Variants in SMYD3 observed in about 807,000 individuals in gnomAD.
SMYD3 encodes the protein histone-lysine N-methyltransferase SMYD3.
SMYD3 carries 36 observed loss-of-function variants against 57.7 expected under a neutral mutation model. The observed-to-expected ratio is 0.62, with a 90% CI of 0.48 to 0.82. The LOEUF (loss-of-function observed/expected upper bound fraction) is 0.82. SMYD3 is among the 40% of genes least tolerant of loss of function. The pLI is 0.00. For missense variants in SMYD3, 515 were observed against 538.8 expected, an observed-to-expected ratio of 0.96 and a Z score of 0.44; for synonymous variants, 211 against 195.0, an observed-to-expected ratio of 1.08 and a Z score of -0.68.
intron 10 of SMYD3, among the ~76,000 whole-genome samples, chr1:245,849,130 T>C (rs2050822689): frequency 2.0e-5 from 3 of 152,142 alleles, no homozygotes; most frequent in Admixed American, 6.5e-5. Context: ...GACAAAAACT[T>C]TCACTAGGAA....
chr1:246,229,855 G>T (rs560158692), intron 5 of SMYD3, among the ~76,000 whole-genome samples: 1 of 151,080 alleles, frequency 6.6e-6, no homozygotes, highest in African/African-American at 2.4e-5. Context: ...ATCATAGCAC[G>T]TGCCTTTCAA....
chr1:246,354,349 T>A (rs573740976), intron 2 of SMYD3, among the ~76,000 whole-genome samples: 38 of 152,336 alleles, frequency 2.5e-4, no homozygotes, highest in African/African-American at 8.4e-4. Flanking sequence ...CTCAAACTCT[T>A]GGCAGGATAT....
intron 5 of SMYD3, among the ~76,000 whole-genome samples, chr1:246,263,953 T>A (rs763564999): frequency 3.9e-5 from 6 of 152,208 alleles, no homozygotes; most frequent in African/African-American, 1.4e-4. Context: ...TCCTTAGATA[T>A]AAGATGCCTA....
chr1:245,844,118 T>C (rs1022493031), intron 10 of SMYD3, among the ~76,000 whole-genome samples: 1 of 152,196 alleles, frequency 6.6e-6, no homozygotes, highest in Non-Finnish European at 1.5e-5. Context: ...AAAACTCTTC[T>C]TCCTTCCTAC....
intron 10 of SMYD3, among the ~76,000 whole-genome samples, chr1:245,787,106 T>TA (rs976385082): frequency 2.6e-5 from 4 of 152,230 alleles, no homozygotes; most frequent in African/African-American, 9.6e-5. Flanking sequence ...CCACTTTCAT[T>TA]ACTTTTCAAG....
chr1:246,380,088 C>T (rs1453048888), intron 1 of SMYD3, among the ~76,000 whole-genome samples: 4 of 151,692 alleles, frequency 2.6e-5, no homozygotes. Context: ...AAAACTTCTA[C>T]ACATTTTTCT....
intron 1 of SMYD3, among the ~76,000 whole-genome samples, chr1:246,504,469 C>G (rs539709641): frequency 1.5e-4 from 23 of 152,098 alleles, no homozygotes; most frequent in Non-Finnish European, 3.4e-4. Context: ...TCTAAATGTA[C>G]CTAAACACAG....
intron 9 of SMYD3, among the ~76,000 whole-genome samples, chr1:245,862,321 T>C (rs879317180): frequency 1.6e-3 from 241 of 152,288 alleles, no homozygotes; most frequent in Non-Finnish European, 3.0e-3. Flanking sequence ...GATTATATTA[T>C]ACTCTTAAAT....
At chr1:245,863,937 G>A (rs1427020323) in intron 8 of SMYD3, 51 bp from the exon 9 acceptor site, 3 of 1,540,034 alleles carry the variant, frequency 1.9e-6, no homozygotes, top group African/African-American at 1.4e-5. Flanking sequence ...AATAGGCAAA[G>A]GACGTGAATA....
chr1:245,878,073 A>G (rs2052583472), intron 8 of SMYD3, among the ~76,000 whole-genome samples: 1 of 152,174 alleles, frequency 6.6e-6, no homozygotes, highest in Non-Finnish European at 1.5e-5. Context: ...AATGGGGAAG[A>G]GACTCAAAGG....
intron 1 of SMYD3, among the ~76,000 whole-genome samples, chr1:246,416,097 T>C (rs1207410881): frequency 6.6e-6 from 1 of 152,210 alleles, no homozygotes; most frequent in Non-Finnish European, 1.5e-5. Flanking sequence ...CACAAATAAA[T>C]TTTTTGAGAA....
chr1:246,454,086 A>C (rs139588158), intron 1 of SMYD3, among the ~76,000 whole-genome samples: 1 of 152,342 alleles, frequency 6.6e-6, no homozygotes, highest in African/African-American at 2.4e-5. Flanking sequence ...CATTCAGAGA[A>C]GTGTCCCCTA....
chr1:246,044,126 T>G (rs1441699194), intron 5 of SMYD3, among the ~76,000 whole-genome samples: 1 of 152,204 alleles, frequency 6.6e-6, no homozygotes, highest in African/African-American at 2.4e-5. Flanking sequence ...ATTCCAGTTT[T>G]CTTCTAATTC....
At chr1:246,448,516 G>A (rs1010908639) in intron 1 of SMYD3, among the ~76,000 whole-genome samples, 1 of 151,766 alleles carries the variant, frequency 6.6e-6, no homozygotes, top group South Asian at 2.1e-4. Context: ...AGGTAACTAC[G>A]ACCCACGACC....
intron 5 of SMYD3, among the ~76,000 whole-genome samples, chr1:245,962,158 T>C (rs1187170882): frequency 1.3e-5 from 2 of 152,144 alleles, no homozygotes; most frequent in African/African-American, 4.8e-5. Context: ...GAAAGGTCGA[T>C]GTTAGGGGAG....
At chr1:246,345,659 A>C (rs2065702646) in intron 2 of SMYD3, among the ~76,000 whole-genome samples, 1 of 152,176 alleles carries the variant, frequency 6.6e-6, no homozygotes, top group African/African-American at 2.4e-5. Flanking sequence ...TTGACATTTT[A>C]AAAACCTTTC....
At chr1:245,882,878 G>A (rs1030976376) in intron 8 of SMYD3, among the ~76,000 whole-genome samples, 2 of 152,190 alleles carry the variant, frequency 1.3e-5, no homozygotes, top group Non-Finnish European at 2.9e-5. Context: ...TAATTGAGAT[G>A]AGCTTATGGT....
chr1:245,813,169 C>G (rs2048590925), intron 10 of SMYD3, among the ~76,000 whole-genome samples: 1 of 151,808 alleles, frequency 6.6e-6, no homozygotes, highest in South Asian at 2.1e-4. Flanking sequence ...CGCCCGCCAC[C>G]ACGCCCGGCT....
intron 11 of SMYD3, among the ~76,000 whole-genome samples, 161 bp from the exon 12 acceptor site, chr1:245,749,825 A>T (rs928658627): frequency 1.3e-5 from 2 of 152,180 alleles, no homozygotes; most frequent in African/African-American, 4.8e-5. Flanking sequence ...CCAGCTGGAA[A>T]GTCACATGAA....
Sources: allele counts gnomAD v4.1 joint callset (sites outside exome capture counted in the v4.1 genomes callset), GRCh38; gene constraint gnomAD v4.1.1; transcripts MANE v1.5; gene names NCBI Gene and HGNC (gene_info 2026-07-23, HGNC 2026-07-21).